The following GABRB2 variants were observed in gnomAD, a reference collection of about 807,000 sequenced individuals.
GABRB2 encodes the protein gamma-aminobutyric acid type A receptor subunit beta2.
GABRB2 carries 16 observed loss-of-function variants against 54.7 expected under a neutral mutation model. The ratio of observed to expected loss-of-function variants is 0.29; its 90% CI spans 0.20 to 0.44. GABRB2 has a LOEUF of 0.44. GABRB2 is among the 20% of genes least tolerant of loss of function. The pLI is 1.00. For synonymous variants in GABRB2, 244 were observed against 233.8 expected (o/e 1.04, Z -0.40); for missense variants, 355 against 644.0 (o/e 0.55, Z 4.86).
intron 3 of GABRB2, among the ~76,000 whole-genome samples, chr5:161,510,589 G>A (rs527767081): frequency 6.6e-6 from 1 of 151,914 alleles, no homozygotes; most frequent in Non-Finnish European, 1.5e-5. Context: ...TTTAATTATT[G>A]AAGCCTAGGT....
rs182196517 is a variant in GABRB2 at position 161,447,336 on chromosome 5, C to T, written c.458+12288G>A. ...GCAATGATGTAAAATGCACAGATGCCTCCTAGTATTTTTATGCCAGAAGAT... is the reference window on the plus strand; with the variant it reads ...GCAATGATGTAAAATGCACAGATGCTTCCTAGTATTTTTATGCCAGAAGAT... On this transcript the variant is annotated intron_variant, in intron 4 of 9. Coordinates refer to ENST00000393959, the MANE Select transcript of GABRB2 (RefSeq NM_001371727.1). 1.1e-3 allele frequency among the ~76,000 whole-genome samples: 167 copies of T among 152,240 alleles called. 1 individual carries two copies. Among genetic ancestry groups the T allele is most frequent in the Admixed American group, 2.8e-3 (42 of 15,250 alleles).
chr5:161,398,097 G>T (rs1756061314), intron 5 of GABRB2, among the ~76,000 whole-genome samples: 1 of 152,128 alleles, frequency 6.6e-6, no homozygotes. Context: ...AGGATAATTT[G>T]CACAAAGTAC....
rs753583600 is a variant in GABRB2, at chr5:161,326,538, C to T, written c.1078-57G>A. ...AGTCGATTGATGCTACTAGATTAGG[C>T]CTGATGGTTAAAGTAAATTGGATAT... On this transcript the variant is annotated intron_variant, in intron 8 of 9. Coordinates refer to ENST00000393959, the MANE Select transcript of GABRB2 (RefSeq NM_001371727.1). 1.1e-5 allele frequency: 17 copies of T among 1,554,642 alleles called. No individual in the cohort carries two copies. The Admixed American group carries it at 1.1e-4, about 10-fold the overall frequency.
At chr5:161,480,193 A>T (rs554606092) in intron 3 of GABRB2, among the ~76,000 whole-genome samples, 1 of 152,104 alleles carries the variant, frequency 6.6e-6, no homozygotes, top group Admixed American at 6.6e-5. Context: ...TGAGTTCCTG[A>T]GTAACAACAT....
At chr5:161,295,392 T>C (rs1757355382) in intron 9 of GABRB2, among the ~76,000 whole-genome samples, 1 of 152,242 alleles carries the variant, frequency 6.6e-6, no homozygotes, top group Non-Finnish European at 1.5e-5. Flanking sequence ...AAGATTTGTA[T>C]GCCTTATTTT....
chr5:161,515,077 A>C (rs1341027420), intron 3 of GABRB2, among the ~76,000 whole-genome samples: 2 of 152,142 alleles, frequency 1.3e-5, no homozygotes, highest in African/African-American at 4.8e-5. Flanking sequence ...TACTGAGTTC[A>C]CTTGAATATG....
intron 3 of GABRB2, among the ~76,000 whole-genome samples, chr5:161,531,449 T>C (rs1307221599): frequency 6.6e-6 from 1 of 152,106 alleles, no homozygotes; most frequent in African/African-American, 2.4e-5. Context: ...GAAAATTCAA[T>C]ACTGATTTCA....
At chr5:161,401,729 G>A (rs1206931522) in intron 5 of GABRB2, among the ~76,000 whole-genome samples, 1 of 152,108 alleles carries the variant, frequency 6.6e-6, no homozygotes, top group Non-Finnish European at 1.5e-5. Context: ...ATTCATGCTG[G>A]AAGTTTAAGT....
In GABRB2 at chr5:161,293,297, C is replaced by T. The variant is rs1162739420; in HGVS notation, c.*784G>A. On this transcript the variant is annotated 3_prime_UTR_variant, in exon 10 of 10. Transcript: ENST00000393959. The stretch of plus-strand genomic sequence containing the variant: ...GATAAGGGTCATGCTTTCTTGCTTG[C>T]TTGCTTTTTGTTACAACCGTCGTTT... 4 of 152,296 alleles carry T rather than the reference C, an allele frequency of 2.6e-5. No homozygotes were observed. Among genetic ancestry groups the T allele is most frequent in the Non-Finnish European group, 5.9e-5 (4 of 68,118 alleles). The allele number at this position is 152,296 out of a possible 1,614,324, so 9.4% of individuals were successfully genotyped here. A position where few individuals can be genotyped will look rare whatever the true frequency, so the allele number is the denominator to read the frequency against.
chr5:161,376,801 C>T (rs1490533796), intron 5 of GABRB2, among the ~76,000 whole-genome samples: 1 of 152,096 alleles, frequency 6.6e-6, no homozygotes, highest in Non-Finnish European at 1.5e-5. Context: ...GTAAATTCCA[C>T]TGCAGGTGCA....
chr5:161,378,758 C>A (rs925986376), intron 5 of GABRB2, among the ~76,000 whole-genome samples: 1 of 152,008 alleles, frequency 6.6e-6, no homozygotes, highest in Non-Finnish European at 1.5e-5. Flanking sequence ...TGAAATGCCA[C>A]GAAATGTCTC....
intron 3 of GABRB2, among the ~76,000 whole-genome samples, chr5:161,528,387 G>C (rs1017184695): frequency 6.6e-6 from 1 of 151,654 alleles, no homozygotes; most frequent in African/African-American, 2.4e-5. Flanking sequence ...ATAAAAATAT[G>C]CCAGAATATT....
rs1032227720 is a variant in GABRB2, at chr5:161,518,065, C to T, written c.237+27162G>A. On this transcript the variant is annotated intron_variant, in intron 3 of 9. Coordinates refer to ENST00000393959, the MANE Select transcript of GABRB2 (RefSeq NM_001371727.1). The stretch of plus-strand genomic sequence containing the variant: ...CCTCGTGATCGGCCCGCCCCAGCCT[C>T]CCAAAGTGCTAGGATTACCGGTGTG... Among the ~76,000 whole-genome samples the T allele has an allele frequency of 2.6e-5, 4 of 152,162 alleles. 1 individual carries two copies. The highest frequency in any genetic ancestry group is 9.7e-5 in the African/African-American group (4 of 41,446).
chr5:161,305,897 T>C (rs574302699), intron 9 of GABRB2, among the ~76,000 whole-genome samples: 4 of 152,352 alleles, frequency 2.6e-5, no homozygotes, highest in African/African-American at 7.2e-5. Flanking sequence ...TTGTCAATGA[T>C]GATGACAGTG....
intron 9 of GABRB2, among the ~76,000 whole-genome samples, chr5:161,315,916 T>A (rs1758015287): frequency 6.6e-6 from 1 of 152,238 alleles, no homozygotes. Context: ...TTTTATAATA[T>A]TTCTTTCCAT....
chr5:161,322,845 T>C (rs1315716722), intron 9 of GABRB2, among the ~76,000 whole-genome samples: 1 of 152,164 alleles, frequency 6.6e-6, no homozygotes, highest in East Asian at 1.9e-4. Flanking sequence ...TGCTTTGCCT[T>C]CATTTTCTCT....
intron 9 of GABRB2, among the ~76,000 whole-genome samples, chr5:161,305,984 G>A (rs889462881): frequency 4.6e-5 from 7 of 152,246 alleles, no homozygotes; most frequent in African/African-American, 1.7e-4. Flanking sequence ...ATCTCTGACA[G>A]TGAGTAGTAA....
At chr5:161,402,550 G>A (rs566354434) in intron 5 of GABRB2, among the ~76,000 whole-genome samples, 1 of 152,256 alleles carries the variant, frequency 6.6e-6, no homozygotes, top group African/African-American at 2.4e-5. Context: ...AAGTTAGAAT[G>A]TAAATGAGGT....
At chr5:161,370,180 A>C (rs1755091622) in intron 5 of GABRB2, among the ~76,000 whole-genome samples, 1 of 152,182 alleles carries the variant, frequency 6.6e-6, no homozygotes. Context: ...TTTCCTTTTC[A>C]AAAATGAAAT....
Sources: allele counts gnomAD v4.1 joint callset (sites outside exome capture counted in the v4.1 genomes callset), GRCh38; gene constraint gnomAD v4.1.1; transcripts MANE v1.5; gene names NCBI Gene and HGNC (gene_info 2026-07-23, HGNC 2026-07-21).